Variants in NCKAP5 observed in about 807,000 individuals in gnomAD.
The protein encoded by NCKAP5 is NCK associated protein 5.
In NCKAP5, 92 loss-of-function variants were observed where a neutral mutation model predicts 167.0. That is an observed-to-expected ratio of 0.55 (90% CI 0.47 to 0.66). The LOEUF (loss-of-function observed/expected upper bound fraction) is 0.66, where lower values mean the gene tolerates loss of function less well. Ranked by LOEUF, NCKAP5 falls within the 30% of genes least tolerant of loss-of-function variation. NCKAP5 has a pLI of 0.00. For missense variants in NCKAP5, 2,378 were observed against 2,315.0 expected, an observed-to-expected ratio of 1.03 and a Z score of -0.56; for synonymous variants, 891 against 877.4, an observed-to-expected ratio of 1.02 and a Z score of -0.27.
chr2:133,633,178 T>C, the NCKAP5 span, among the ~76,000 whole-genome samples: 20 of 152,344 alleles, frequency 1.3e-4, no homozygotes, highest in South Asian at 4.1e-3. Context: ...GTAATGTTCC[T>C]GAAGACAAAC....
chr2:133,528,007 A>G (rs1352761793), intron 2 of NCKAP5, among the ~76,000 whole-genome samples: 1 of 152,118 alleles, frequency 6.6e-6, no homozygotes, highest in Non-Finnish European at 1.5e-5. Context: ...TGAGGCTACA[A>G]TGAGTTGTAA....
At position 133,565,754 on chromosome 2, in the gene NCKAP5, A is replaced by T. The variant is rs148984274; in HGVS notation, c.-130+2462T>A. Among the ~76,000 whole-genome samples the T allele has an allele frequency of 2.8e-3, 433 of 152,374 alleles. 5 individuals are homozygous for T. The highest frequency in any genetic ancestry group is 9.7e-3 in the African/African-American group (404 of 41,590). The stretch of plus-strand genomic sequence containing the variant: ...GCATCAAGGGCCTTCAACCACAGTG[A>T]AGAAGAATTTAAAGCCAATCAGCAC... On this transcript the variant is annotated intron_variant, in intron 1 of 19. Transcript: ENST00000409261.
intron 2 of NCKAP5, among the ~76,000 whole-genome samples, chr2:133,555,117 C>A (rs1423771418): frequency 6.6e-6 from 1 of 152,172 alleles, no homozygotes; most frequent in African/African-American, 2.4e-5. Flanking sequence ...ATAATTAGTT[C>A]TAAGCATTCG....
intron 6 of NCKAP5, among the ~76,000 whole-genome samples, chr2:133,063,434 C>CT (rs2080080756): frequency 6.6e-6 from 1 of 152,164 alleles, no homozygotes; most frequent in Admixed American, 6.5e-5. Context: ...TGCAGCTTCT[C>CT]TTTTTCTGGT....
chr2:133,163,852 C>T (rs954179070), intron 5 of NCKAP5, among the ~76,000 whole-genome samples: 1 of 152,144 alleles, frequency 6.6e-6, no homozygotes, highest in East Asian at 1.9e-4. Flanking sequence ...TTCAAAGATT[C>T]CTGTTATTTG....
At chr2:133,228,401 G>T (rs76289200) in intron 4 of NCKAP5, among the ~76,000 whole-genome samples, 1 of 152,244 alleles carries the variant, frequency 6.6e-6, no homozygotes, top group East Asian at 1.9e-4. Flanking sequence ...TTTGAGGTAT[G>T]CCATTAAATA....
chr2:133,031,074 C>T (rs2078863409), intron 6 of NCKAP5, among the ~76,000 whole-genome samples: 2 of 152,018 alleles, frequency 1.3e-5, no homozygotes. Flanking sequence ...GATTGTTCCC[C>T]CTACAAGGAC....
chr2:133,398,269 A>G (rs1291370490), intron 3 of NCKAP5, among the ~76,000 whole-genome samples: 1 of 152,234 alleles, frequency 6.6e-6, no homozygotes, highest in Non-Finnish European at 1.5e-5. Context: ...TTTTGCAGAC[A>G]TCTGTCACAC....
chr2:133,163,484 T>G (rs2083881178), intron 5 of NCKAP5, among the ~76,000 whole-genome samples: 1 of 152,218 alleles, frequency 6.6e-6, no homozygotes, highest in South Asian at 2.1e-4. Flanking sequence ...GAAAATATTA[T>G]TACATCTACT....
intron 3 of NCKAP5, among the ~76,000 whole-genome samples, chr2:133,508,350 T>A (rs1190150230): frequency 1.3e-5 from 2 of 152,214 alleles, no homozygotes; most frequent in African/African-American, 4.8e-5. Flanking sequence ...CGCTGATCAA[T>A]GTAGCCAGAA....
At chr2:133,244,037 C>T (rs114018693) in intron 4 of NCKAP5, among the ~76,000 whole-genome samples, 1,905 of 152,262 alleles carry the variant, frequency 0.013, 19 homozygotes, top group Non-Finnish European at 0.019. Context: ...ATACTAGGGT[C>T]TGACTGTTTT....
intron 3 of NCKAP5, among the ~76,000 whole-genome samples, chr2:133,399,336 T>A (rs765200983): frequency 6.6e-6 from 1 of 151,178 alleles, no homozygotes; most frequent in East Asian, 2.0e-4. Context: ...GTAGAGTAGG[T>A]CCAGGGTCTT....
chr2:133,628,689 C>A, the NCKAP5 span, among the ~76,000 whole-genome samples: 1 of 152,184 alleles, frequency 6.6e-6, no homozygotes, highest in Non-Finnish European at 1.5e-5. Context: ...CAAAACAATT[C>A]TAAGCAAAAA....
chr2:133,137,869 A>C (rs2149824351), intron 5 of NCKAP5, among the ~76,000 whole-genome samples: 1 of 152,308 alleles, frequency 6.6e-6, no homozygotes, highest in South Asian at 2.1e-4. Context: ...TGCCATGAGA[A>C]CACACCTGAA....
At chr2:133,352,248 T>C (rs944790224) in intron 3 of NCKAP5, among the ~76,000 whole-genome samples, 28 of 152,238 alleles carry the variant, frequency 1.8e-4, no homozygotes, top group Non-Finnish European at 3.5e-4. Flanking sequence ...CGTTATATTC[T>C]TGATAGCCCA....
the NCKAP5 span, among the ~76,000 whole-genome samples, chr2:133,647,377 A>AGGAAGGAAGAAAGGAAGGT: frequency 3.0e-5 from 1 of 32,980 alleles, no homozygotes; most frequent in East Asian, 1.4e-3. Flanking sequence ...GGAAGAAAGA[A>AGGAAGGAAGAAAGGAAGGT]AGGAAGGAAG....
intron 8 of NCKAP5, among the ~76,000 whole-genome samples, chr2:132,888,474 C>T (rs184353427): frequency 4.6e-4 from 70 of 152,266 alleles, no homozygotes; most frequent in African/African-American, 1.7e-3. Context: ...CTGCAACCTC[C>T]ACCTACTGGG....
chr2:132,965,939 T>TGTGC (rs1170814638), intron 7 of NCKAP5, among the ~76,000 whole-genome samples: 6 of 151,834 alleles, frequency 4.0e-5, no homozygotes, highest in African/African-American at 1.4e-4. Flanking sequence ...TGTGTGTGTG[T>TGTGC]GTGTATCTGT....
chr2:133,640,504 C>T, the NCKAP5 span, among the ~76,000 whole-genome samples: 438 of 152,280 alleles, frequency 2.9e-3, 1 homozygote, highest in Admixed American at 4.4e-3. Flanking sequence ...TGAACTATAA[C>T]AGTCTCCTTT....
Sources: gnomAD v4.1 joint callset for allele counts (sites outside exome capture counted in the v4.1 genomes callset) on GRCh38, gnomAD v4.1.1 for gene constraint, MANE v1.5 for transcripts, NCBI Gene and HGNC (gene_info 2026-07-23, HGNC 2026-07-21) for gene names.